The following CNTNAP5 variants were observed in gnomAD, a reference collection of about 807,000 sequenced individuals.
CNTNAP5 encodes contactin associated protein family member 5.
Under a neutral mutation model 150.2 loss-of-function variants are expected in CNTNAP5, and 72 were observed. The observed-to-expected ratio is 0.48, with a 90% confidence interval of 0.40 to 0.58. The LOEUF (loss-of-function observed/expected upper bound fraction) is 0.58. Among genes scored for constraint, CNTNAP5 ranks in the 20% least tolerant of loss-of-function variants. The pLI is 0.00. For missense variants in CNTNAP5, 1,636 were observed against 1,626.2 expected, an observed-to-expected ratio of 1.01 and a Z score of -0.10; for synonymous variants, 672 against 619.8, an observed-to-expected ratio of 1.08 and a Z score of -1.25.
chr2:124,845,777 G>A (rs1024006923), intron 19 of CNTNAP5, among the ~76,000 whole-genome samples: 7 of 152,132 alleles, frequency 4.6e-5, no homozygotes, highest in African/African-American at 4.8e-5. Context: ...TGTGCATAAA[G>A]GTGTTCATAA....
At chr2:124,791,334 T>G (rs10211440) in intron 18 of CNTNAP5, among the ~76,000 whole-genome samples, 1 of 152,172 alleles carries the variant, frequency 6.6e-6, no homozygotes, top group African/African-American at 2.4e-5. Flanking sequence ...AGAAAATTAA[T>G]GGTAAAAATT....
chr2:124,861,853 G>A (rs766348562), intron 19 of CNTNAP5, among the ~76,000 whole-genome samples: 8 of 151,590 alleles, frequency 5.3e-5, no homozygotes, highest in Non-Finnish European at 8.8e-5. Context: ...TTGCTCTATC[G>A]CCCACGCTGG....
rs66540981 is a variant in CNTNAP5 at position 124,122,759 on chromosome 2, G to GACACACACACAC, written c.82+97050_82+97061dup. Among the ~76,000 whole-genome samples the GACACACACACAC allele has an allele frequency of 6.0e-4, 77 of 127,756 alleles. 1 individual carries two copies. Among genetic ancestry groups the GACACACACACAC allele is most frequent in the Admixed American group, 3.1e-3 (40 of 12,724 alleles). The allele number at this position is 127,756 out of a possible 152,430, so 83.8% of individuals were successfully genotyped here. A position where few individuals can be genotyped will look rare whatever the true frequency, so the allele number is the denominator to read the frequency against. On this transcript the variant is annotated intron_variant, in intron 1 of 23. Transcript: ENST00000682447. ...AAACCAAACCACAGAGGTGGTAAAA[G>GACACACACACAC]ACACACACACACACACACACACACA...
At chr2:124,907,214 GA>G (rs1490035922) in intron 22 of CNTNAP5, among the ~76,000 whole-genome samples, 1 of 152,100 alleles carries the variant, frequency 6.6e-6, no homozygotes, top group Admixed American at 6.6e-5. Flanking sequence ...TCAGAAGACA[GA>G]AGCCCATTAC....
chr2:124,238,032 G>T (rs1447502032), intron 2 of CNTNAP5, among the ~76,000 whole-genome samples: 1 of 152,028 alleles, frequency 6.6e-6, no homozygotes, highest in African/African-American at 2.4e-5. Flanking sequence ...AGGCTGCTTT[G>T]AAAAAATTTA....
intron 13 of CNTNAP5, among the ~76,000 whole-genome samples, chr2:124,721,972 C>A (rs1680059387): frequency 6.6e-6 from 1 of 152,050 alleles, no homozygotes; most frequent in Non-Finnish European, 1.5e-5. Context: ...TTCTTCTCTG[C>A]TTGCACACCC....
At chr2:124,734,837 A>G (rs1573581574) in intron 13 of CNTNAP5, among the ~76,000 whole-genome samples, 1 of 152,174 alleles carries the variant, frequency 6.6e-6, no homozygotes, top group South Asian at 2.1e-4. Flanking sequence ...TCATCGAACA[A>G]GAATTCCTCA....
intron 19 of CNTNAP5, among the ~76,000 whole-genome samples, chr2:124,842,889 TTCTC>T (rs1682972419): frequency 6.6e-6 from 1 of 151,898 alleles, no homozygotes; most frequent in Non-Finnish European, 1.5e-5. Context: ...GCTGAGAATA[TTCTC>T]TCTCTTTTTA....
intron 13 of CNTNAP5, among the ~76,000 whole-genome samples, chr2:124,700,759 A>G (rs1380842659): frequency 6.6e-6 from 1 of 151,916 alleles, no homozygotes; most frequent in Non-Finnish European, 1.5e-5. Context: ...CTTCAATTCT[A>G]TGAGTTTTCT....
At chr2:124,327,221 C>T (rs1410099148) in intron 3 of CNTNAP5, among the ~76,000 whole-genome samples, 1 of 151,978 alleles carries the variant, frequency 6.6e-6, no homozygotes. Context: ...ACCTTGTGAT[C>T]TGCCTGCCTC....
chr2:124,798,206 G>A lies in CNTNAP5; in HGVS notation c.3103G>A (p.Ala1035Thr). The change falls in exon 19 of 24, where the codon GCT becomes ACT. Residue 1035 changes from alanine (A) to threonine (T), a missense_variant. Physicochemically the swap from Ala to Thr is moderately conservative, Grantham distance 58. Transcript: ENST00000682447. ...ATCCTCAGCTATTTACACAGATTCA[G>A]CTCCATCCAAGGAAAACATTGCACT... ...LSSSAIYTDS[A>T]PSKENIALSF... is the part of the protein sequence containing the mutation. 1 of 1,613,820 alleles carries A rather than the reference G, an allele frequency of 6.2e-7. No homozygotes were observed. The highest frequency in any genetic ancestry group is 8.5e-7 in the Non-Finnish European group (1 of 1,179,750).
intron 5 of CNTNAP5, among the ~76,000 whole-genome samples, chr2:124,444,747 C>T (rs1692769195): frequency 6.6e-6 from 1 of 152,172 alleles, no homozygotes; most frequent in Non-Finnish European, 1.5e-5. Flanking sequence ...CCGACGAGCT[C>T]CTGGCACTCA....
chr2:124,172,756 T>G (rs1199756487), intron 1 of CNTNAP5, among the ~76,000 whole-genome samples: 2 of 104,686 alleles, frequency 1.9e-5, no homozygotes, highest in African/African-American at 7.2e-5. Flanking sequence ...ATGCTTGCTC[T>G]CTCTCTGGCT....
chr2:124,177,679 G>A (rs567056383), intron 1 of CNTNAP5, among the ~76,000 whole-genome samples: 11 of 152,150 alleles, frequency 7.2e-5, no homozygotes, highest in African/African-American at 2.2e-4. Context: ...GTGTGCGCAC[G>A]CACACAAAGC....
intron 11 of CNTNAP5, among the ~76,000 whole-genome samples, chr2:124,583,827 G>T (rs921559446): frequency 6.6e-6 from 1 of 152,100 alleles, no homozygotes; most frequent in Non-Finnish European, 1.5e-5. Flanking sequence ...TCTGGGTCAG[G>T]TGTGTGTGTT....
At chr2:124,818,165 C>G (rs916829555) in intron 19 of CNTNAP5, among the ~76,000 whole-genome samples, 2 of 152,324 alleles carry the variant, frequency 1.3e-5, no homozygotes, top group South Asian at 2.1e-4. Flanking sequence ...CACCAAGACC[C>G]TCTTCAAAGA....
In CNTNAP5 at chr2:124,303,182, GC is replaced by G. The variant is rs146667535; in HGVS notation, c.381+60792del. Among the ~76,000 whole-genome samples the G allele has an allele frequency of 3.1e-3, 470 of 152,138 alleles. 2 individuals are homozygous for G. Among genetic ancestry groups the G allele is most frequent in the African/African-American group, 0.011 (444 of 41,494 alleles). On this transcript the variant is annotated intron_variant, in intron 3 of 23. Transcript: ENST00000682447. ...GGTCTATTTTTTTCATTTTTTCTAAGCCCTGCTGAATCATTACCAGCATATG... is the reference window on the plus strand; with the variant it reads ...GGTCTATTTTTTTCATTTTTTCTAAGCCTGCTGAATCATTACCAGCATATG...
At chr2:124,839,510 A>G (rs1054610331) in intron 19 of CNTNAP5, among the ~76,000 whole-genome samples, 5 of 151,420 alleles carry the variant, frequency 3.3e-5, no homozygotes, top group Admixed American at 2.6e-4. Context: ...TTTAAATCCA[A>G]TCTTGCCTGA....
intron 1 of CNTNAP5, among the ~76,000 whole-genome samples, chr2:124,203,450 A>G (rs1201382276): frequency 1.3e-5 from 2 of 152,168 alleles, no homozygotes; most frequent in East Asian, 3.9e-4. Flanking sequence ...CCCTTTCCTC[A>G]CAGATCCACT....
Sources: allele counts gnomAD v4.1 joint callset (sites outside exome capture counted in the v4.1 genomes callset), GRCh38; gene constraint gnomAD v4.1.1; transcripts MANE v1.5; gene names NCBI Gene and HGNC (gene_info 2026-07-23, HGNC 2026-07-21).